NCKAP5: variants seen among roughly 807,000 people sequenced by gnomAD.
NCKAP5 encodes nck-associated protein 5.
NCKAP5 carries 92 observed loss-of-function variants against 167.0 expected under a neutral mutation model. That is an observed-to-expected ratio of 0.55 (90% CI 0.47 to 0.66). The LOEUF is 0.66. Ranked by LOEUF, NCKAP5 falls within the 30% of genes least tolerant of loss-of-function variation. NCKAP5 has a pLI of 0.00. For synonymous variants in NCKAP5, 891 were observed against 877.4 expected (o/e 1.02, Z -0.27); for missense variants, 2,378 against 2,315.0 (o/e 1.03, Z -0.56).
intron 4 of NCKAP5, among the ~76,000 whole-genome samples, chr2:133,219,697 G>C (rs1210924708): frequency 1.3e-5 from 2 of 151,448 alleles, no homozygotes; most frequent in Non-Finnish European, 2.9e-5. Context: ...TACATCAGCT[G>C]GAGTTTTTTT....
intron 11 of NCKAP5, among the ~76,000 whole-genome samples, chr2:132,859,886 C>T (rs1033313460): frequency 6.6e-6 from 1 of 152,146 alleles, no homozygotes; most frequent in African/African-American, 2.4e-5. Context: ...AGTGCTTTGT[C>T]AGGAACAGCT....
the NCKAP5 span, among the ~76,000 whole-genome samples, chr2:133,601,449 G>A: frequency 6.6e-6 from 1 of 152,154 alleles, no homozygotes; most frequent in Non-Finnish European, 1.5e-5. Flanking sequence ...TTCTACCTTG[G>A]CCGGGTGCAG....
intron 16 of NCKAP5, among the ~76,000 whole-genome samples, chr2:132,770,815 G>T (rs1471193093): frequency 6.6e-6 from 1 of 152,180 alleles, no homozygotes; most frequent in Non-Finnish European, 1.5e-5. Context: ...ACACAATGGT[G>T]ATCCCTTAAG....
chr2:133,442,379 T>A (rs1183686644), intron 3 of NCKAP5, among the ~76,000 whole-genome samples: 1 of 152,170 alleles, frequency 6.6e-6, no homozygotes, highest in African/African-American at 2.4e-5. Context: ...CATCTGTGAG[T>A]CATTGCTGAG....
At chr2:133,078,887 A>G (rs2080707094) in intron 6 of NCKAP5, among the ~76,000 whole-genome samples, 1 of 152,132 alleles carries the variant, frequency 6.6e-6, no homozygotes, top group Non-Finnish European at 1.5e-5. Context: ...TGCTCATGGA[A>G]AGACATACAG....
At chr2:133,345,464 T>C (rs1683907050) in intron 3 of NCKAP5, among the ~76,000 whole-genome samples, 1 of 152,194 alleles carries the variant, frequency 6.6e-6, no homozygotes, top group Non-Finnish European at 1.5e-5. Flanking sequence ...GTATTTGATG[T>C]TCAGAATATG....
chr2:132,850,953 C>T (rs942499243), intron 11 of NCKAP5, among the ~76,000 whole-genome samples: 5 of 152,000 alleles, frequency 3.3e-5, no homozygotes, highest in African/African-American at 9.7e-5. Flanking sequence ...ACATACAGGG[C>T]AATGTCCGTC....
chr2:133,113,287 AAT>A (rs1325834251), intron 6 of NCKAP5, among the ~76,000 whole-genome samples: 1 of 152,264 alleles, frequency 6.6e-6, no homozygotes, highest in East Asian at 1.9e-4. Flanking sequence ...GAAGTTGCTA[AAT>A]ATATTTTGAG....
At chr2:132,869,004 TATAATA>T (rs1450700048) in intron 9 of NCKAP5, 30 bp from the exon 10 acceptor site, 35 of 1,490,084 alleles carry the variant, frequency 2.3e-5, no homozygotes, top group Non-Finnish European at 2.4e-5. Context: ...AGTTGTCATT[TATAATA>T]ATGAGACTTT....
At chr2:133,457,155 G>T (rs1259656307) in intron 3 of NCKAP5, among the ~76,000 whole-genome samples, 1 of 152,158 alleles carries the variant, frequency 6.6e-6, no homozygotes, top group Non-Finnish European at 1.5e-5. Flanking sequence ...TTCCCATGTG[G>T]CCGGCCTGGA....
intron 4 of NCKAP5, among the ~76,000 whole-genome samples, chr2:133,235,766 T>C (rs898957281): frequency 6.6e-6 from 1 of 151,950 alleles, no homozygotes; most frequent in Non-Finnish European, 1.5e-5. Flanking sequence ...TAGCCAGGCA[T>C]GGTGGCATGC....
chr2:133,212,039 A>G (rs17738103), intron 5 of NCKAP5, among the ~76,000 whole-genome samples: 62,480 of 152,040 alleles, frequency 0.41, 14,412 homozygotes, highest in Non-Finnish European at 0.51. Context: ...CCTGAAAGAG[A>G]TTCATATCAC....
At chr2:133,411,500 T>C (rs895342895) in intron 3 of NCKAP5, among the ~76,000 whole-genome samples, 1 of 152,120 alleles carries the variant, frequency 6.6e-6, no homozygotes, top group Non-Finnish European at 1.5e-5. Context: ...TACACAAGGA[T>C]AAATACACCA....
chr2:133,021,873 C>T (rs2078541279), intron 6 of NCKAP5, among the ~76,000 whole-genome samples: 1 of 152,172 alleles, frequency 6.6e-6, no homozygotes, highest in Non-Finnish European at 1.5e-5. Context: ...TCAGGAAATC[C>T]ACCCTCCTCC....
At chr2:132,726,513 G>A (rs1690470635) in intron 18 of NCKAP5, among the ~76,000 whole-genome samples, 1 of 152,198 alleles carries the variant, frequency 6.6e-6, no homozygotes, top group Non-Finnish European at 1.5e-5. Flanking sequence ...ACTCCTATGT[G>A]TTGAATCGAG....
At chr2:133,636,621 C>T in the NCKAP5 span, among the ~76,000 whole-genome samples, 1 of 152,156 alleles carries the variant, frequency 6.6e-6, no homozygotes. Context: ...TTTTTAAATG[C>T]CTATCTCACT....
rs142407198 is a variant in NCKAP5, at chr2:133,031,893, G to A, written c.342-37654C>T. Among the ~76,000 whole-genome samples the A allele has an allele frequency of 9.2e-3, 1,406 of 152,158 alleles. 23 individuals carry two copies. The highest frequency in any genetic ancestry group is 0.031 in the African/African-American group (1,302 of 41,514). On this transcript the variant is annotated intron_variant, in intron 6 of 19. Coordinates refer to ENST00000409261, the MANE Select transcript of NCKAP5 (RefSeq NM_207363.3). ...AAGGATCCCACTGCCTTGAAGAAAAGGACCCAGTCTTGGCAGCATTCCTCA... is the reference window on the plus strand; with the variant it reads ...AAGGATCCCACTGCCTTGAAGAAAAAGACCCAGTCTTGGCAGCATTCCTCA...
At chr2:133,460,304 T>C (rs1474826211) in intron 3 of NCKAP5, among the ~76,000 whole-genome samples, 1 of 152,208 alleles carries the variant, frequency 6.6e-6, no homozygotes, top group African/African-American at 2.4e-5. Flanking sequence ...AATTATTGTA[T>C]TGCCTGAGGT....
At chr2:133,135,331 A>G (rs888936313) in intron 5 of NCKAP5, among the ~76,000 whole-genome samples, 1 of 152,014 alleles carries the variant, frequency 6.6e-6, no homozygotes, top group African/African-American at 2.4e-5. Context: ...TCGTGTAGGG[A>G]GGGAGGAAGA....
Sources: gnomAD v4.1 joint callset for allele counts (sites outside exome capture counted in the v4.1 genomes callset) on GRCh38, gnomAD v4.1.1 for gene constraint, MANE v1.5 for transcripts, NCBI Gene and HGNC (gene_info 2026-07-23, HGNC 2026-07-21) for gene names.